The following RPH3A variants were observed in gnomAD, a reference collection of about 807,000 sequenced individuals.
RPH3A encodes the protein rabphilin-3A.
Under a neutral mutation model 102.2 loss-of-function variants are expected in RPH3A, and 48 were observed. That is an observed-to-expected ratio of 0.47 (90% CI 0.37 to 0.60). RPH3A has a LOEUF of 0.60. Ranked by LOEUF, RPH3A falls within the 20% of genes least tolerant of loss-of-function variation. The pLI, the probability that RPH3A is intolerant of heterozygous loss-of-function variation, is 0.00. For missense variants in RPH3A, 781 were observed against 910.1 expected, an observed-to-expected ratio of 0.86 and a Z score of 1.83; for synonymous variants, 310 against 324.3, an observed-to-expected ratio of 0.96 and a Z score of 0.47.
chr12:112,864,387 GT>G (rs2042572056), intron 5 of RPH3A, among the ~76,000 whole-genome samples: 1 of 149,094 alleles, frequency 6.7e-6, no homozygotes, highest in South Asian at 2.1e-4. Flanking sequence ...GGAGGCAGAG[GT>G]TGCAGTGAGC....
chr12:112,876,158 G>T (rs770860972), intron 12 of RPH3A, among the ~76,000 whole-genome samples: 2 of 152,142 alleles, frequency 1.3e-5, no homozygotes, highest in South Asian at 4.1e-4. Context: ...CACACTGAGC[G>T]ACAGTGGTTG....
chr12:112,890,103 A>C, intron 18 of RPH3A, 23 bp downstream of exon 18: 1 of 1,609,846 alleles, frequency 6.2e-7, no homozygotes, highest in Non-Finnish European at 8.5e-7. Context: ...CAGGAATTGA[A>C]GCCACAGTCA....
At chr12:112,624,307 C>G (rs1198982589) in intron 1 of RPH3A, among the ~76,000 whole-genome samples, 1 of 151,012 alleles carries the variant, frequency 6.6e-6, no homozygotes, top group Non-Finnish European at 1.5e-5. Flanking sequence ...ATTGATAGAC[C>G]GCTAGCAAGA....
intron 1 of RPH3A, among the ~76,000 whole-genome samples, chr12:112,619,345 G>T (rs746191840): frequency 2.0e-5 from 3 of 147,984 alleles, no homozygotes; most frequent in Admixed American, 6.8e-5. Flanking sequence ...AAGTGCAATG[G>T]CACAACCTCA....
intron 1 of RPH3A, among the ~76,000 whole-genome samples, chr12:112,771,610 T>C (rs2040927860): frequency 6.6e-6 from 1 of 152,232 alleles, no homozygotes; most frequent in South Asian, 2.1e-4. Context: ...GAGATGTGTA[T>C]TTAAAATATT....
chr12:112,844,597 A>G (rs1055531613), intron 4 of RPH3A, among the ~76,000 whole-genome samples: 1 of 152,206 alleles, frequency 6.6e-6, no homozygotes, highest in African/African-American at 2.4e-5. Context: ...AAACTGTGAG[A>G]AAACAAATGT....
At chr12:112,896,280 C>T (rs2043178286) in intron 21 of RPH3A, among the ~76,000 whole-genome samples, 1 of 152,030 alleles carries the variant, frequency 6.6e-6, no homozygotes. Flanking sequence ...AGGGACAGAG[C>T]CTGAGCTAAG....
intron 13 of RPH3A, among the ~76,000 whole-genome samples, chr12:112,877,137 G>A (rs2042816610): frequency 6.6e-6 from 1 of 152,070 alleles, no homozygotes; most frequent in Admixed American, 6.6e-5. Context: ...TTTAAAGATT[G>A]CAATTCGGTG....
intron 1 of RPH3A, among the ~76,000 whole-genome samples, chr12:112,747,971 G>A (rs2040760150): frequency 6.6e-6 from 1 of 152,166 alleles, no homozygotes; most frequent in Admixed American, 6.5e-5. Context: ...TGGATTTCGG[G>A]GGCCAACCTG....
chr12:112,843,342 C>A (rs1445108913), intron 4 of RPH3A, among the ~76,000 whole-genome samples: 1 of 152,120 alleles, frequency 6.6e-6, no homozygotes, highest in South Asian at 2.1e-4. Flanking sequence ...CCACTGAGAC[C>A]AATCGGCGAC....
At chr12:112,620,968 C>T (rs963128285) in intron 1 of RPH3A, among the ~76,000 whole-genome samples, 2 of 151,984 alleles carry the variant, frequency 1.3e-5, no homozygotes, top group African/African-American at 2.4e-5. Flanking sequence ...TCAGCCTGTT[C>T]TGTTTTAGTT....
At chr12:112,691,153 T>C (rs1188929842) in intron 1 of RPH3A, among the ~76,000 whole-genome samples, 1 of 152,172 alleles carries the variant, frequency 6.6e-6, no homozygotes, top group African/African-American at 2.4e-5. Context: ...CCTCTCCAAG[T>C]AGCTGGGACT....
At chr12:112,700,509 C>T (rs1439506451) in intron 1 of RPH3A, among the ~76,000 whole-genome samples, 2 of 152,158 alleles carry the variant, frequency 1.3e-5, no homozygotes, top group Non-Finnish European at 2.9e-5. Context: ...TTGCAACCTT[C>T]ACTTCCACTT....
intron 1 of RPH3A, among the ~76,000 whole-genome samples, chr12:112,759,887 G>C (rs2040843971): frequency 6.6e-6 from 1 of 152,144 alleles, no homozygotes; most frequent in Non-Finnish European, 1.5e-5. Flanking sequence ...TCCAATGACA[G>C]GTAAGTCATT....
intron 1 of RPH3A, among the ~76,000 whole-genome samples, chr12:112,743,967 C>T (rs777727849): frequency 6.6e-6 from 1 of 152,228 alleles, no homozygotes; most frequent in South Asian, 2.1e-4. Context: ...GTAACCCCCA[C>T]AGTGTAGCAC....
chr12:112,722,670 G>T (rs1166015493), intron 1 of RPH3A, among the ~76,000 whole-genome samples: 1 of 152,172 alleles, frequency 6.6e-6, no homozygotes, highest in Non-Finnish European at 1.5e-5. Flanking sequence ...GAACCCTTTG[G>T]CCATTTCCTT....
chr12:112,890,131 G>C, intron 18 of RPH3A, 51 bp downstream of exon 18: 1 of 1,506,630 alleles, frequency 6.6e-7, no homozygotes, highest in Non-Finnish European at 9.2e-7. Flanking sequence ...TACTGGGCTA[G>C]GCTAGCATCT....
At position 112,876,642 on chromosome 12, in the gene RPH3A, A is replaced by G. The variant is rs761384824; in HGVS notation, c.947A>G (p.Glu316Gly). Residue 316 changes from glutamate to glycine, a missense_variant and splice_region_variant, in exon 13 of 22, where the codon GAG becomes GGG. Around this residue, in one of 2 missense-constraint regions of RPH3A, gnomAD observed 730 missense variants for 810.0 expected, o/e 0.90. Transcript: ENST00000389385. ...PAGRFPDQKP[E>G]VAPSDPGTTA... ...GTTTCCTGTCCTTATCTCCCTGCAG[A>G]GGTGGCTCCGAGCGACCCTGGGACC... is the stretch of plus-strand genomic sequence containing the variant. 6.2e-7 allele frequency: 1 copy of G among 1,601,292 alleles called. No homozygotes were observed. The highest frequency in any genetic ancestry group is 1.3e-5 in the African/African-American group (1 of 74,472).
chr12:112,801,270 CAGG>C (rs1173487756), intron 2 of RPH3A, among the ~76,000 whole-genome samples: 1 of 152,218 alleles, frequency 6.6e-6, no homozygotes, highest in Non-Finnish European at 1.5e-5. Context: ...AGGATGAAAG[CAGG>C]AGAAGCCAGC....
Sources: allele counts gnomAD v4.1 joint callset (sites outside exome capture counted in the v4.1 genomes callset), GRCh38; gene constraint gnomAD v4.1.1; regional missense constraint gnomAD v4.1.1; transcripts MANE v1.5; gene names NCBI Gene and HGNC (gene_info 2026-07-23, HGNC 2026-07-21).